The following NBR1 variants were observed in gnomAD, a reference collection of about 807,000 sequenced individuals.
NBR1 encodes the protein NBR1 autophagy cargo receptor, also known as next to BRCA1 gene 1 protein.
In NBR1, 59 loss-of-function variants were observed where a neutral mutation model predicts 115.5. The observed-to-expected ratio is 0.51, with a 90% confidence interval of 0.41 to 0.63. NBR1 has a LOEUF of 0.63. Ranked by LOEUF, NBR1 falls within the 30% of genes least tolerant of loss-of-function variation. NBR1 has a pLI of 0.00. For missense variants in NBR1, 1,043 were observed against 1,150.5 expected (o/e 0.91, Z 1.35); for synonymous variants, 373 against 414.7 (o/e 0.90, Z 1.22).
intron 4 of NBR1, 101 bp from the exon 5 acceptor site, chr17:43,180,690 TTGAA>T (rs2056640650): frequency 7.4e-6 from 9 of 1,214,770 alleles, no homozygotes; most frequent in South Asian, 2.1e-5. Flanking sequence ...TCTTTGGTTC[TTGAA>T]TGAATGAATG....
intron 12 of NBR1, 82 bp downstream of exon 12, chr17:43,193,720 A>C (rs1003661654): frequency 5.6e-6 from 8 of 1,427,436 alleles, no homozygotes; most frequent in Non-Finnish European, 7.5e-6. Context: ...GAACCCACTC[A>C]TAGCTGGTTG....
chr17:43,193,430 T>C lies in NBR1; in HGVS notation c.1316T>C (p.Val439Ala). Residue 439 changes from valine to alanine, a missense_variant, in exon 12 of 21, where the codon GTG (valine) becomes GCG (alanine). Physicochemically the swap from Val to Ala is moderately conservative, Grantham distance 64. Coordinates refer to ENST00000590996, the MANE Select transcript of NBR1 (RefSeq NM_005899.5). ...VLVPCLKAGH[V>A]GVVSVEFIAP... is the part of the protein sequence containing the mutation. Reference sequence around the variant, plus strand: ...GTTCCCTGCCTCAAGGCCGGCCATGTGGGAGTTGTATCTGTGGAGTTCATT... The same window carrying C: ...GTTCCCTGCCTCAAGGCCGGCCATGCGGGAGTTGTATCTGTGGAGTTCATT... 6.2e-7 allele frequency: 1 copy of C among 1,613,986 alleles called. No individual in the cohort carries two copies. Among genetic ancestry groups the C allele is most frequent in the South Asian group, 1.1e-5 (1 of 91,080 alleles).
intron 20 of NBR1, among the ~76,000 whole-genome samples, chr17:43,204,844 G>A (rs141514867): frequency 1.2e-3 from 176 of 145,330 alleles, no homozygotes; most frequent in African/African-American, 4.2e-3. Context: ...ATGATGGCAT[G>A]CACCTACAGT....
Position 43,189,618 on chromosome 17 carries a change from G to C in NBR1, c.511G>C (p.Glu171Gln), listed in dbSNP as rs1252779045. The C allele has an allele frequency of 6.8e-6, 11 of 1,613,960 alleles. No individual in the cohort carries two copies. Among genetic ancestry groups the C allele is most frequent in the Non-Finnish European group, 9.3e-6 (11 of 1,179,868 alleles). ...AGAACAAGTGGTTAACGAAACGGTT[G>C]AGAAGCTTGAACAGAAATTACATGA... ...FREQVVNETVEKLEQKLHEKL... is the reference protein window; with the variant it reads ...FREQVVNETVQKLEQKLHEKL... The change falls in exon 8 of 21, where the codon GAG (glutamate) becomes CAG (glutamine). Residue 171 changes from glutamate to glutamine, a missense_variant. Physicochemically the swap from Glu to Gln is conservative, Grantham distance 29 (BLOSUM62 2). Coordinates refer to ENST00000590996, the MANE Select transcript of NBR1 (RefSeq NM_005899.5).
chr17:43,202,525 A>T, intron 18 of NBR1, 130 bp from the exon 19 acceptor site: 2 of 419,394 alleles, frequency 4.8e-6, no homozygotes, highest in South Asian at 3.8e-5. Flanking sequence ...AAATACTTTA[A>T]AAAAAAAAAA....
Position 43,177,620 on chromosome 17 carries a change from C to CACACACAG in NBR1, c.103-315_103-314insCACACAGA, listed in dbSNP as rs1330894405. Reference sequence around the variant, plus strand: ...ACACACACACACACACACACACACACAGTTTGGTATTCTGATGAGATGTCA... The same window carrying CACACACAG: ...ACACACACACACACACACACACACACACACACAGAGTTTGGTATTCTGATGAGATGTCA... On this transcript the variant is annotated intron_variant, in intron 2 of 20. Coordinates refer to ENST00000590996, the MANE Select transcript of NBR1 (RefSeq NM_005899.5). Among the ~76,000 whole-genome samples, 459 of 141,658 alleles carry CACACACAG rather than the reference C, an allele frequency of 3.2e-3. 6 individuals carry two copies. Among genetic ancestry groups the CACACACAG allele is most frequent in the African/African-American group, 0.011 (436 of 39,060 alleles). The allele number at this position is 141,658 out of a possible 152,430, so 92.9% of individuals were successfully genotyped here. A position where few individuals can be genotyped will look rare whatever the true frequency, so the allele number is the denominator to read the frequency against.
At chr17:43,175,054 G>C (rs576388404) in intron 1 of NBR1, among the ~76,000 whole-genome samples, 1 of 152,062 alleles carries the variant, frequency 6.6e-6, no homozygotes, top group South Asian at 2.1e-4. Context: ...AGCTGAGATC[G>C]TGCCACTGCA....
rs748562422 is a variant in NBR1, at chr17:43,186,435, T to C, written c.393T>C (p.Pro131=). 6.3e-7 allele frequency: 1 copy of C among 1,581,648 alleles called. No homozygotes were observed. The highest frequency in any genetic ancestry group is 8.6e-7 in the Non-Finnish European group (1 of 1,167,372). ...LGSDMKTPED[P]AVQSFPLVPC... ...CAGACATGAAGACCCCAGAGGATCC[T>C]GCAGTGCAGGTATGAAGGGTATGGC... is the stretch of plus-strand genomic sequence containing the variant. The change falls in exon 6 of 21, where the codon CCT becomes CCC. Residue 131 remains proline, a synonymous_variant. Transcript: ENST00000590996.
intron 5 of NBR1, among the ~76,000 whole-genome samples, chr17:43,184,274 G>T (rs1232585071): frequency 6.7e-5 from 10 of 149,504 alleles, no homozygotes; most frequent in Non-Finnish European, 1.3e-4. Context: ...TGTTGCCCAG[G>T]TTTGTCTTGA....
Position 43,189,059 on chromosome 17 carries a change from A to G in NBR1, c.420A>G (p.Pro140=), listed in dbSNP as rs769960464. Residue 140 remains proline (P), a synonymous_variant, in exon 7 of 21, where the codon CCA becomes CCG. Transcript: ENST00000590996. Reference sequence around the variant, plus strand: ...TCTCCCAGTCGTTTCCACTTGTTCCATGTGACACAGACCAGCCTCAAGACA... The same window carrying G: ...TCTCCCAGTCGTTTCCACTTGTTCCGTGTGACACAGACCAGCCTCAAGACA... The part of the protein sequence containing the change: ...DPAVQSFPLV[P]CDTDQPQDKP... The G allele has an allele frequency of 5.0e-6, 8 of 1,612,360 alleles. No individual in the cohort carries two copies. In the East Asian group the frequency reaches 1.1e-4, roughly 22 times the overall value.
chr17:43,201,721 G>T lies in NBR1; in HGVS notation c.2504G>T (p.Gly835Val). 1 of 1,608,932 alleles carries T rather than the reference G, an allele frequency of 6.2e-7. No individual in the cohort carries two copies. The highest frequency in any genetic ancestry group is 8.5e-7 in the Non-Finnish European group (1 of 1,175,330). ...TGTGTACATCATCATGGTTCCCCAG[G>T]AGTGGATTTACCAGTTACCATACCA... Reference protein sequence around the residue: ...SPCVHHHGSPGVDLPVTIPEV... With the variant: ...SPCVHHHGSPVVDLPVTIPEV... Residue 835 changes from glycine to valine, a missense_variant, in exon 18 of 21, where the codon GGA becomes GTA. Transcript: ENST00000590996.
At chr17:43,191,327 T>C (rs2154582191) in intron 9 of NBR1, 45 bp from the exon 10 acceptor site, 1 of 1,433,660 alleles carries the variant, frequency 7.0e-7, no homozygotes, top group East Asian at 2.3e-5. Context: ...AGCTTCAGAA[T>C]TTATTTGTGA....
At chr17:43,179,059 C>G (rs191510165) in intron 3 of NBR1, among the ~76,000 whole-genome samples, 9 of 152,110 alleles carry the variant, frequency 5.9e-5, no homozygotes, top group Non-Finnish European at 1.3e-4. Flanking sequence ...CTATTTTACT[C>G]ATGAGGAAAC....
chr17:43,201,806 CTT>C, intron 18 of NBR1, 26 bp downstream of exon 18: 1 of 1,286,208 alleles, frequency 7.8e-7, no homozygotes, highest in Non-Finnish European at 1.1e-6. Context: ...AGCTTTTTCT[CTT>C]TTTCTCTGCT....
At chr17:43,186,221 T>TG in intron 5 of NBR1, 29 bp from the exon 6 acceptor site, 2 of 1,533,026 alleles carry the variant, frequency 1.3e-6, no homozygotes. Flanking sequence ...TCACGTCGCA[T>TG]GTTTTTGTTT....
intron 16 of NBR1, among the ~76,000 whole-genome samples, chr17:43,199,472 T>G (rs1250272284): frequency 6.6e-6 from 1 of 151,980 alleles, no homozygotes; most frequent in Non-Finnish European, 1.5e-5. Context: ...CTTCCCAGGT[T>G]CACACCATTC....
Position 43,203,682 on chromosome 17 carries a change from C to T in NBR1, c.2623C>T (p.His875Tyr). The T allele has an allele frequency of 1.2e-6, 2 of 1,602,774 alleles. No homozygotes were observed. The highest frequency in any genetic ancestry group is 1.7e-6 in the Non-Finnish European group (2 of 1,172,576). Residue 875 changes from histidine to tyrosine, a missense_variant and splice_region_variant, in exon 20 of 21, where the codon CAC (histidine) becomes TAC (tyrosine). Transcript: ENST00000590996. ...SRQKSYDHSR[H>Y]HHGSSIAGGL... ...AGATAATTTGGTTTTCCTCTGCAGG[C>T]ACCATCATGGGAGCAGCATTGCTGG...
At position 43,200,426 on chromosome 17, in the gene NBR1, A is replaced by C. The variant is rs1483343013; in HGVS notation, c.2286A>C (p.Arg762=). Residue 762 remains arginine (R), a synonymous_variant, in exon 17 of 21, where the codon CGA becomes CGC. Transcript: ENST00000590996. ...CGCTCTCACAGCCAGGCCTGGAGCG[A>C]GGTGCTGAAGGCAAGCCTGGGGTTG... ...SSALSQPGLE[R]GAEGKPGVEA... 11 of 1,611,196 alleles carry C rather than the reference A, an allele frequency of 6.8e-6. No individual in the cohort carries two copies. The South Asian group carries it at 1.2e-4, about 18-fold the overall frequency.
Position 43,176,080 on chromosome 17 carries a change from A to G in NBR1, c.102+179A>G, listed in dbSNP as rs1348962682. 8.7e-6 allele frequency: 4 copies of G among 459,616 alleles called. No homozygotes were observed. The South Asian group carries it at 1.9e-4, about 21-fold the overall frequency. 28.5% of individuals were successfully genotyped at this position (459,616 alleles called of 1,614,324 possible). A position where few individuals can be genotyped will look rare whatever the true frequency, so the allele number is the denominator to read the frequency against. On this transcript the variant is annotated intron_variant, in intron 2 of 20. Transcript: ENST00000590996. ...ATTCATATATGAGATGTGCCCCAAT[A>G]AAGGGAACCAACACATAAATTTCCT...
Sources: gnomAD v4.1 joint callset for allele counts (sites outside exome capture counted in the v4.1 genomes callset) on GRCh38, gnomAD v4.1.1 for gene constraint, MANE v1.5 for transcripts, NCBI Gene and HGNC (gene_info 2026-07-23, HGNC 2026-07-21) for gene names.